NAMPT: variants seen among roughly 807,000 people sequenced by gnomAD.
NAMPT encodes the protein nicotinamide phosphoribosyltransferase.
Under a neutral mutation model 58.7 loss-of-function variants are expected in NAMPT, and 7 were observed. That is an observed-to-expected ratio of 0.12 (90% confidence interval 0.07 to 0.22). The LOEUF (loss-of-function observed/expected upper bound fraction) is 0.22, where lower values mean the gene tolerates loss of function less well. Among genes scored for constraint, NAMPT ranks in the 10% least tolerant of loss-of-function variants. The probability of loss-of-function intolerance (pLI) is 1.00; values close to 1 mark genes in which losing one functional copy is unlikely to be tolerated. For synonymous variants in NAMPT, 145 were observed against 198.1 expected, an observed-to-expected ratio of 0.73 and a Z score of 2.25; for missense variants, 271 against 567.9, an observed-to-expected ratio of 0.48 and a Z score of 5.31.
At chr7:106,255,995 C>T (rs1323183443) in intron 8 of NAMPT, among the ~76,000 whole-genome samples, 2 of 152,114 alleles carry the variant, frequency 1.3e-5, no homozygotes, top group Non-Finnish European at 2.9e-5. Flanking sequence ...GTATTTCAGG[C>T]CAAGTTTCTT....
At chr7:106,280,917 G>C (rs998883302) in intron 1 of NAMPT, among the ~76,000 whole-genome samples, 5 of 151,406 alleles carry the variant, frequency 3.3e-5, no homozygotes, top group Admixed American at 2.0e-4. Context: ...CTCCAGCCTG[G>C]GCAACAGAGC....
chr7:106,278,269 T>C (rs1401039683), intron 1 of NAMPT, among the ~76,000 whole-genome samples: 1 of 152,188 alleles, frequency 6.6e-6, no homozygotes, highest in Non-Finnish European at 1.5e-5. Flanking sequence ...TATATTTCCA[T>C]TGATGATTCT....
intron 7 of NAMPT, among the ~76,000 whole-genome samples, chr7:106,262,975 T>A (rs977575383): frequency 6.6e-6 from 1 of 152,054 alleles, no homozygotes; most frequent in African/African-American, 2.4e-5. Context: ...ACTTGAAGAG[T>A]ATTTTTGAAT....
chr7:106,275,751 G>C (rs978950359), intron 2 of NAMPT: 2 of 152,154 alleles, frequency 1.3e-5, no homozygotes, highest in African/African-American at 4.8e-5. Context: ...AAAGTATCTT[G>C]GGGCCAGGCG....
chr7:106,263,042 T>G (rs1792338636), intron 7 of NAMPT: 1 of 262,794 alleles, frequency 3.8e-6, no homozygotes, highest in Non-Finnish European at 7.3e-6. Context: ...ACTTCAAAGG[T>G]CTAGCAGTGA....
At chr7:106,251,574 A>AC (rs1792104694) in intron 10 of NAMPT, among the ~76,000 whole-genome samples, 1 of 152,030 alleles carries the variant, frequency 6.6e-6, no homozygotes, top group South Asian at 2.1e-4. Context: ...AGCCTGGTAA[A>AC]CCCTGCCTTG....
intron 6 of NAMPT, among the ~76,000 whole-genome samples, chr7:106,266,171 G>A (rs1338464637): frequency 2.0e-5 from 3 of 152,132 alleles, no homozygotes; most frequent in Non-Finnish European, 2.9e-5. Context: ...CTACGCTGTT[G>A]TTTAAAAGAC....
chr7:106,251,726 A>C (rs983419298), intron 10 of NAMPT, among the ~76,000 whole-genome samples: 8 of 152,132 alleles, frequency 5.3e-5, no homozygotes, highest in African/African-American at 1.9e-4. Flanking sequence ...CAAGTATTGC[A>C]TTCTTGACTA....
At chr7:106,267,866 A>ACAAC (rs1562815954) in intron 6 of NAMPT, among the ~76,000 whole-genome samples, 1 of 133,566 alleles carries the variant, frequency 7.5e-6, no homozygotes, top group African/African-American at 2.6e-5. Flanking sequence ...AAAAAAAAAA[A>ACAAC]AAAAAAAAAA....
At chr7:106,259,437 C>CA (rs956971143) in intron 8 of NAMPT, among the ~76,000 whole-genome samples, 7 of 151,870 alleles carry the variant, frequency 4.6e-5, no homozygotes, top group Non-Finnish European at 1.0e-4. Flanking sequence ...TATATTTCTT[C>CA]TTTTTTTTGA....
intron 1 of NAMPT, 131 bp from the exon 2 acceptor site, chr7:106,277,310 C>T: frequency 1.4e-6 from 1 of 713,808 alleles, no homozygotes; most frequent in Non-Finnish European, 2.3e-6. Flanking sequence ...GTTTCTTTTC[C>T]TGGCTATACC....
upstream of NAMPT, chr7:106,285,653 C>G: frequency 2.1e-6 from 2 of 969,034 alleles, no homozygotes; most frequent in Non-Finnish European, 1.2e-6. Flanking sequence ...AGGAGTGAGG[C>G]TGAGGGGCCC....
At position 106,263,376 on chromosome 7, in the gene NAMPT, A is replaced by C. The variant is rs774509875; in HGVS notation, c.969+16T>G. 1.9e-6 allele frequency: 3 copies of C among 1,542,426 alleles called. No homozygotes were observed. The highest frequency in any genetic ancestry group is 2.7e-6 in the Non-Finnish European group (3 of 1,115,944). On this transcript the variant is annotated intron_variant, in intron 7 of 10. Transcript: ENST00000222553. ...ACAGAGGGATTCTAATAATAAAGTT[A>C]CATATGAAAATTTACCTTTAACACA... is the stretch of plus-strand genomic sequence containing the variant.
At position 106,275,010 on chromosome 7, in the gene NAMPT, T is replaced by C; in HGVS notation, c.254A>G (p.Asp85Gly). The change falls in exon 3 of 11, where the codon GAT becomes GGT. Residue 85 changes from aspartate (D) to glycine (G), a missense_variant. This residue lies in a region of NAMPT where 103 missense variants were observed against 194.2 expected (regional missense o/e 0.53). Transcript: ENST00000222553. The stretch of plus-strand genomic sequence containing the variant: ...ATCTTGGAAATGTTCTTTGTAGACA[T>C]CTTTGGCTTCCTGGATTTTCTCTTT... ...VTKEKIQEAK[D>G]VYKEHFQDDV... is the part of the protein sequence containing the mutation. 6.2e-7 allele frequency: 1 copy of C among 1,612,424 alleles called. No homozygotes were observed. The highest frequency in any genetic ancestry group is 8.5e-7 in the Non-Finnish European group (1 of 1,178,532).
At chr7:106,273,493 A>G (rs886464654) in intron 3 of NAMPT, among the ~76,000 whole-genome samples, 4 of 152,206 alleles carry the variant, frequency 2.6e-5, no homozygotes, top group African/African-American at 9.7e-5. Flanking sequence ...ACATTGCCCT[A>G]CAGGTCCTAG....
At chr7:106,251,650 C>T in intron 10 of NAMPT, among the ~76,000 whole-genome samples, 1 of 151,974 alleles carries the variant, frequency 6.6e-6, no homozygotes, top group East Asian at 1.9e-4. Context: ...TTTGCTAGTG[C>T]TAAATTTGGG....
Position 106,282,517 on chromosome 7 carries a change from C to T in NAMPT, c.57+2311G>A, listed in dbSNP as rs115447043. ...CGGTGTCCTTACTTCTAACAAGAACCACGATGAAAATAGAGGAACCACAGT... is the reference window on the plus strand; with the variant it reads ...CGGTGTCCTTACTTCTAACAAGAACTACGATGAAAATAGAGGAACCACAGT... On this transcript the variant is annotated intron_variant, in intron 1 of 10. Transcript: ENST00000222553. Among the ~76,000 whole-genome samples the T allele has an allele frequency of 2.7e-3, 404 of 152,294 alleles. 4 individuals are homozygous for T. The highest frequency in any genetic ancestry group is 9.4e-3 in the African/African-American group (390 of 41,552).
Position 106,250,507 on chromosome 7 carries a change from G to GT in NAMPT, c.*575dup, listed in dbSNP as rs1442699805. On this transcript the variant is annotated 3_prime_UTR_variant, in exon 11 of 11. Coordinates refer to ENST00000222553, the MANE Select transcript of NAMPT (RefSeq NM_005746.3). ...GCAGTAAGGTTAGTAATTCTATAGG[G>GT]TATGTCCCGACATAATTTTCAAATT... 2.6e-5 allele frequency: 4 copies of GT among 153,792 alleles called. No homozygotes were observed. The highest frequency in any genetic ancestry group is 9.7e-5 in the African/African-American group (4 of 41,394). 9.5% of individuals were successfully genotyped at this position (153,792 alleles called of 1,614,324 possible).
chr7:106,253,096 C>T lies in NAMPT; in HGVS notation c.1286G>A (p.Arg429Gln), dbSNP rs1792132240. The change falls in exon 10 of 11, where the codon CGA becomes CAA. Residue 429 changes from arginine (R) to glutamine (Q), a missense_variant. Coordinates refer to ENST00000222553, the MANE Select transcript of NAMPT (RefSeq NM_005746.3). ...ADPNKRSKKGRLSLHRTPAGN... is the reference protein window; with the variant it reads ...ADPNKRSKKGQLSLHRTPAGN... ...TGCTGGCGTCCTATGTAAAGATAAT[C>T]GGCCCTTTTTGGACCTTTTGTTGGG... is the stretch of plus-strand genomic sequence containing the variant. 1.2e-6 allele frequency: 2 copies of T among 1,613,130 alleles called. No individual in the cohort carries two copies. The highest frequency in any genetic ancestry group is 1.1e-5 in the South Asian group (1 of 91,060).
Sources: gnomAD v4.1 joint callset for allele counts (sites outside exome capture counted in the v4.1 genomes callset) on GRCh38, gnomAD v4.1.1 for gene constraint, gnomAD v4.1.1 regional missense constraint, MANE v1.5 for transcripts, NCBI Gene and HGNC (gene_info 2026-07-23, HGNC 2026-07-21) for gene names.